Variants in RNPEP observed in about 807,000 individuals in gnomAD.
RNPEP encodes arginyl aminopeptidase.
A neutral mutation model predicts 70.1 loss-of-function variants in RNPEP; 57 were observed. The ratio of observed to expected loss-of-function variants is 0.81; its 90% CI spans 0.66 to 1.01. The LOEUF (loss-of-function observed/expected upper bound fraction) is 1.01, where lower values mean the gene tolerates loss of function less well. RNPEP is among the 50% of genes least tolerant of loss of function. The pLI is 0.00. For synonymous variants in RNPEP, 335 were observed against 357.4 expected, an observed-to-expected ratio of 0.94 and a Z score of 0.71; for missense variants, 787 against 852.4, an observed-to-expected ratio of 0.92 and a Z score of 0.96.
At chr1:201,983,470 G>A (rs56768485) in intron 1 of RNPEP, 425,332 of 1,382,810 alleles carry the variant, frequency 0.31, 68,020 homozygotes, top group African/African-American at 0.47. Context: ...TAGATGACCT[G>A]TTGTTCATGC....
chr1:202,003,588 C>G, intron 9 of RNPEP, 127 bp downstream of exon 9: 1 of 675,408 alleles, frequency 1.5e-6, no homozygotes, highest in Non-Finnish European at 2.5e-6. Flanking sequence ...GAGGCTGGCA[C>G]TCCACAAGGA....
intron 1 of RNPEP, among the ~76,000 whole-genome samples, chr1:201,988,454 T>C (rs970990537): frequency 1.2e-5 from 1 of 86,024 alleles, no homozygotes; most frequent in African/African-American, 4.9e-5. Flanking sequence ...CGATACTCTG[T>C]CTCAAAAAAA....
At chr1:201,988,533 A>G (rs1049878004) in intron 1 of RNPEP, among the ~76,000 whole-genome samples, 2 of 151,842 alleles carry the variant, frequency 1.3e-5, no homozygotes, top group Non-Finnish European at 2.9e-5. Flanking sequence ...GTGTCTTATC[A>G]CAAGTCCAAA....
rs1297002574 is a variant in RNPEP at position 202,006,128 on chromosome 1, T to G, written c.*412T>G. 1 of 169,156 alleles carries G rather than the reference T, an allele frequency of 5.9e-6. No individual in the cohort carries two copies. Among genetic ancestry groups the G allele is most frequent in the Non-Finnish European group, 1.3e-5 (1 of 76,752 alleles). 10.5% of individuals were successfully genotyped at this position (169,156 alleles called of 1,614,324 possible). On this transcript the variant is annotated 3_prime_UTR_variant, in exon 11 of 11. Coordinates refer to ENST00000295640, the MANE Select transcript of RNPEP (RefSeq NM_020216.4). ...GTTTAATCCTTATTTTAATAAAGTTTTCAAGCAAAAATTAAGTTACGGATT... is the reference window on the plus strand; with the variant it reads ...GTTTAATCCTTATTTTAATAAAGTTGTCAAGCAAAAATTAAGTTACGGATT...
At chr1:201,988,832 C>T in intron 1 of RNPEP, 72 bp from the exon 2 acceptor site, 1 of 1,512,042 alleles carries the variant, frequency 6.6e-7, no homozygotes, top group Admixed American at 2.2e-5. Flanking sequence ...TCATTCCAGC[C>T]AGCTCACTTC....
At chr1:202,001,593 A>G in intron 7 of RNPEP, 66 bp from the exon 8 acceptor site, 2 of 1,447,918 alleles carry the variant, frequency 1.4e-6, no homozygotes, top group East Asian at 2.3e-5. Flanking sequence ...AGGAGGACCC[A>G]GGACACAGAG....
intron 3 of RNPEP, among the ~76,000 whole-genome samples, chr1:201,995,402 G>T (rs1178437856): frequency 2.6e-5 from 4 of 152,178 alleles, no homozygotes; most frequent in Admixed American, 2.0e-4. Flanking sequence ...GTAGGTTTGG[G>T]TCGGACACAG....
chr1:202,001,423 T>G lies in RNPEP; in HGVS notation c.1252T>G (p.Phe418Val), dbSNP rs767515195. ...TAATGAGACCCCCTACGAGAAAGGT[T>G]TCTGCTTTGTTTCATACCTGGCCCA... ...TYNETPYEKG[F>V]CFVSYLAHLV... Residue 418 changes from phenylalanine (F) to valine (V), a missense_variant, in exon 7 of 11, where the codon TTC becomes GTC. By Grantham distance (50) the Phe-to-Val change is conservative. Transcript: ENST00000295640. 6.2e-7 allele frequency: 1 copy of G among 1,613,944 alleles called. No individual in the cohort carries two copies. Among genetic ancestry groups the G allele is most frequent in the South Asian group, 1.1e-5 (1 of 91,070 alleles).
At position 202,004,443 on chromosome 1, in the gene RNPEP, A is replaced by G. The variant is rs770616739; in HGVS notation, c.1741A>G (p.Lys581Glu). 6.2e-7 allele frequency: 1 copy of G among 1,614,170 alleles called. No individual in the cohort carries two copies. Among genetic ancestry groups the G allele is most frequent in the Non-Finnish European group, 8.5e-7 (1 of 1,180,046 alleles). The change falls in exon 10 of 11, where the codon AAG (lysine) becomes GAG (glutamate). Residue 581 changes from lysine to glutamate, a missense_variant. By Grantham distance (56) the Lys-to-Glu change is moderately conservative. Coordinates refer to ENST00000295640, the MANE Select transcript of RNPEP (RefSeq NM_020216.4). ...LRLRWGQIVL[K>E]NDHQEDFWKV... Reference sequence around the variant, plus strand: ...GCTGCGATGGGGCCAAATCGTCCTTAAGAACGACCACCAGGAAGATTTCTG... The same window carrying G: ...GCTGCGATGGGGCCAAATCGTCCTTGAGAACGACCACCAGGAAGATTTCTG...
intron 10 of RNPEP, 139 bp from the exon 11 acceptor site, chr1:202,005,419 A>C: frequency 1.1e-6 from 1 of 905,202 alleles, no homozygotes; most frequent in Non-Finnish European, 1.7e-6. Context: ...TCTGATGAGA[A>C]GCTCCTCATT....
In RNPEP at chr1:201,989,435, G is replaced by A; in HGVS notation, c.641G>A (p.Gly214Asp). The change falls in exon 3 of 11, where the codon GGT becomes GAT. Residue 214 changes from glycine to aspartate, a missense_variant. Coordinates refer to ENST00000295640, the MANE Select transcript of RNPEP (RefSeq NM_020216.4). ...AGTGCTAGCACCTGGGAGAAGAGAG[G>A]TCCAAATAAGTTCTTCTTCCAGATG... ...VMSASTWEKR[G>D]PNKFFFQMCQ... 1 of 1,614,148 alleles carries A rather than the reference G, an allele frequency of 6.2e-7. No individual in the cohort carries two copies. The highest frequency in any genetic ancestry group is 8.5e-7 in the Non-Finnish European group (1 of 1,180,020).
chr1:201,999,784 G>T (rs1200539735), intron 5 of RNPEP, 118 bp from the exon 6 acceptor site: 3 of 725,088 alleles, frequency 4.1e-6, no homozygotes, highest in Admixed American at 2.5e-5. Flanking sequence ...TAAGCTTCAG[G>T]TATCTGTCGC....
intron 1 of RNPEP, among the ~76,000 whole-genome samples, chr1:201,988,150 AAAAG>A (rs1388234003): frequency 1.5e-5 from 2 of 135,958 alleles, no homozygotes; most frequent in South Asian, 2.7e-4. Flanking sequence ...CGAAAAAAAA[AAAAG>A]AAAAGAAAAG....
rs12712 is a variant in RNPEP, at chr1:202,005,584, G to A, written c.1821G>A (p.Leu607=). The change falls in exon 11 of 11, where the codon CTG becomes CTA. Residue 607 remains leucine, a synonymous_variant. Coordinates refer to ENST00000295640, the MANE Select transcript of RNPEP (RefSeq NM_020216.4). The stretch of plus-strand genomic sequence containing the variant: ...GGAAGCAGAAGTATACACTTCCGCT[G>A]TACCACGCAATGATGGGTGGCAGTG... The part of the protein sequence containing the change: ...NQGKQKYTLP[L]YHAMMGGSEV... The A allele has an allele frequency of 5.6e-6, 9 of 1,614,038 alleles. No homozygotes were observed. Among genetic ancestry groups the A allele is most frequent in the Admixed American group, 1.7e-5 (1 of 59,996 alleles).
chr1:202,001,328 G>C, intron 6 of RNPEP, 48 bp from the exon 7 acceptor site: 1 of 1,290,242 alleles, frequency 7.8e-7, no homozygotes, highest in Non-Finnish European at 1.1e-6. Flanking sequence ...AACGTTACGG[G>C]TGACAGGCTA....
At chr1:201,998,867 A>T (rs1683670700) in intron 5 of RNPEP, among the ~76,000 whole-genome samples, 1 of 152,072 alleles carries the variant, frequency 6.6e-6, no homozygotes, top group Non-Finnish European at 1.5e-5. Context: ...AGACTTAGAG[A>T]TCCTTAAAAA....
rs911914805 is a variant in RNPEP at position 201,982,853 on chromosome 1, G to A, written c.187G>A (p.Ala63Thr). 5.3e-5 allele frequency: 72 copies of A among 1,359,304 alleles called. No individual in the cohort carries two copies. The highest frequency in any genetic ancestry group is 6.6e-5 in the Non-Finnish European group (70 of 1,058,994). The allele number at this position is 1,359,304 out of a possible 1,614,324, so 84.2% of individuals were successfully genotyped here. Residue 63 changes from alanine to threonine, a missense_variant, in exon 1 of 11, where the codon GCG becomes ACG. Physicochemically the swap from Ala to Thr is moderately conservative, Grantham distance 58. Coordinates refer to ENST00000295640, the MANE Select transcript of RNPEP (RefSeq NM_020216.4). ...AGGGAGCCGGGGGCTGAGCGGCACCGCGGTCCTGGACCTGCGCTGCCTGGA... is the reference window on the plus strand; with the variant it reads ...AGGGAGCCGGGGGCTGAGCGGCACCACGGTCCTGGACCTGCGCTGCCTGGA... ...GAGSRGLSGT[A>T]VLDLRCLEPE...
At chr1:201,998,361 A>G (rs1683650021) in intron 5 of RNPEP, among the ~76,000 whole-genome samples, 1 of 148,720 alleles carries the variant, frequency 6.7e-6, no homozygotes, top group Non-Finnish European at 1.5e-5. Context: ...GCTCCCCCAC[A>G]TCCCACTCCC....
chr1:201,993,323 G>A (rs1683411944), intron 3 of RNPEP, among the ~76,000 whole-genome samples: 1 of 152,178 alleles, frequency 6.6e-6, no homozygotes, highest in African/African-American at 2.4e-5. Flanking sequence ...AAGGCTGGGT[G>A]TGGTGGCTCA....
Sources: allele counts gnomAD v4.1 joint callset (sites outside exome capture counted in the v4.1 genomes callset), GRCh38; gene constraint gnomAD v4.1.1; transcripts MANE v1.5; gene names NCBI Gene and HGNC (gene_info 2026-07-23, HGNC 2026-07-21).